The following SPATA13 variants were observed in gnomAD, a reference collection of about 807,000 sequenced individuals.
SPATA13 encodes spermatogenesis associated 13.
Under a neutral mutation model 104.0 loss-of-function variants are expected in SPATA13, and 50 were observed. The observed-to-expected ratio is 0.48, with a 90% CI of 0.38 to 0.61. The LOEUF (loss-of-function observed/expected upper bound fraction) is 0.61. Among genes scored for constraint, SPATA13 ranks in the 20% least tolerant of loss-of-function variants. The pLI is 0.00. For synonymous variants in SPATA13, 606 were observed against 667.5 expected, an observed-to-expected ratio of 0.91 and a Z score of 1.42; for missense variants, 1,524 against 1,690.6, an observed-to-expected ratio of 0.90 and a Z score of 1.73.
At chr13:24,145,942 C>T (rs1356328547) in intron 3 of SPATA13, among the ~76,000 whole-genome samples, 1 of 152,100 alleles carries the variant, frequency 6.6e-6, no homozygotes, top group Non-Finnish European at 1.5e-5. Flanking sequence ...ACGAGCACTC[C>T]CGACCAAGTC....
intron 3 of SPATA13, among the ~76,000 whole-genome samples, chr13:24,036,763 C>T (rs1359220694): frequency 4.6e-5 from 7 of 152,098 alleles, no homozygotes; most frequent in South Asian, 2.1e-4. Context: ...ATTCAAATAA[C>T]GTTATTGTCG....
intron 3 of SPATA13, among the ~76,000 whole-genome samples, chr13:24,085,268 A>G (rs1452858553): frequency 6.6e-6 from 1 of 152,168 alleles, no homozygotes; most frequent in Non-Finnish European, 1.5e-5. Context: ...GACTACAGGC[A>G]GGTGCCTGCC....
At chr13:24,037,044 G>C (rs1344811753) in intron 3 of SPATA13, among the ~76,000 whole-genome samples, 1 of 151,956 alleles carries the variant, frequency 6.6e-6, no homozygotes, top group African/African-American at 2.4e-5. Context: ...AAAGTGCTGG[G>C]ATTACAGGCA....
intron 3 of SPATA13, among the ~76,000 whole-genome samples, chr13:24,094,458 C>A (rs1264463179): frequency 2.0e-5 from 3 of 152,198 alleles, no homozygotes; most frequent in South Asian, 4.1e-4. Flanking sequence ...CAGCACACAG[C>A]AGGGCAAGGA....
At chr13:24,139,835 A>G (rs1039526763) in intron 3 of SPATA13, among the ~76,000 whole-genome samples, 1 of 152,182 alleles carries the variant, frequency 6.6e-6, no homozygotes, top group African/African-American at 2.4e-5. Context: ...TGGGAGGCCA[A>G]GGAGGGCGGA....
intron 3 of SPATA13, among the ~76,000 whole-genome samples, chr13:24,104,164 GA>G (rs757108702): frequency 3.3e-5 from 5 of 152,082 alleles, no homozygotes; most frequent in Non-Finnish European, 5.9e-5. Flanking sequence ...TGTACGTGCT[GA>G]GAAAATCCCA....
At chr13:24,122,649 A>C in intron 3 of SPATA13, 1 of 1,142,558 alleles carries the variant, frequency 8.8e-7, no homozygotes, top group Non-Finnish European at 1.3e-6. Context: ...ACTGTATATC[A>C]CTTCAAGATA....
chr13:23,981,182 A>G (rs1874875651), intron 1 of SPATA13, among the ~76,000 whole-genome samples: 1 of 152,090 alleles, frequency 6.6e-6, no homozygotes, highest in Admixed American at 6.5e-5. Flanking sequence ...GCCTCATTTT[A>G]TTTCTATGGG....
At chr13:24,039,867 C>G (rs1477344552) in intron 3 of SPATA13, among the ~76,000 whole-genome samples, 1 of 152,200 alleles carries the variant, frequency 6.6e-6, no homozygotes, top group Non-Finnish European at 1.5e-5. Flanking sequence ...TTTCAGTTAC[C>G]TCTAGCACCG....
chr13:24,231,115 C>T (rs1872248316), intron 2 of SPATA13, among the ~76,000 whole-genome samples: 1 of 152,132 alleles, frequency 6.6e-6, no homozygotes, highest in Non-Finnish European at 1.5e-5. Context: ...CAAGACTAGG[C>T]CACAGCTGAT....
intron 4 of SPATA13, among the ~76,000 whole-genome samples, chr13:24,273,944 C>T (rs1023585305): frequency 6.6e-6 from 1 of 152,182 alleles, no homozygotes; most frequent in Non-Finnish European, 1.5e-5. Context: ...CCTGCCTCAG[C>T]CTCCTAAAGT....
intron 3 of SPATA13, among the ~76,000 whole-genome samples, chr13:24,032,728 A>G (rs985640008): frequency 6.6e-6 from 1 of 152,250 alleles, no homozygotes; most frequent in Non-Finnish European, 1.5e-5. Context: ...GTTTGCCCTA[A>G]AATGTGACTG....
At chr13:23,990,552 T>A (rs981297837) in intron 2 of SPATA13, among the ~76,000 whole-genome samples, 19 of 152,330 alleles carry the variant, frequency 1.2e-4, no homozygotes, top group Non-Finnish European at 2.2e-4. Flanking sequence ...TGAGCAGCTC[T>A]ATTCCTTCTT....
chr13:23,998,778 T>C (rs1199430905), intron 2 of SPATA13, among the ~76,000 whole-genome samples: 1 of 152,230 alleles, frequency 6.6e-6, no homozygotes, highest in Non-Finnish European at 1.5e-5. Flanking sequence ...TTCAGGTTCA[T>C]TTTTCTTGCA....
intron 3 of SPATA13, among the ~76,000 whole-genome samples, chr13:24,091,471 C>T (rs544093168): frequency 1.3e-5 from 2 of 152,312 alleles, no homozygotes; most frequent in East Asian, 1.9e-4. Flanking sequence ...GCTGTTAGAA[C>T]AGAATATTCT....
chr13:24,163,394 ACT>A (rs1345678155), intron 1 of SPATA13, among the ~76,000 whole-genome samples: 1 of 151,896 alleles, frequency 6.6e-6, no homozygotes, highest in Non-Finnish European at 1.5e-5. Flanking sequence ...AGAACGAGAG[ACT>A]CTGTCTCTAA....
Position 24,286,912 on chromosome 13 carries a change from G to A in SPATA13, c.2629G>A (p.Glu877Lys). The change falls in exon 7 of 13, where the codon GAG becomes AAG. Residue 877 changes from glutamate (E) to lysine (K), a missense_variant. Transcript: ENST00000382108. This position sits in a 1 kb window ranked among gnomAD's most constrained non-coding sequence, Gnocchi z 4.9. ...CGTCATCCGGGAGATCATGGACACC[G>A]AGCGGGTGTACATCAAACACCTCAG... ...TNVIREIMDT[E>K]RVYIKHLRDI... 1.2e-6 allele frequency: 2 copies of A among 1,613,854 alleles called. No individual in the cohort carries two copies. The highest frequency in any genetic ancestry group is 1.7e-6 in the Non-Finnish European group (2 of 1,179,982).
At chr13:24,238,654 C>A (rs1340988665) in intron 2 of SPATA13, among the ~76,000 whole-genome samples, 2 of 152,156 alleles carry the variant, frequency 1.3e-5, no homozygotes, top group African/African-American at 4.8e-5. Flanking sequence ...AGGTAGGGGA[C>A]AGGCGGCTGA....
intron 3 of SPATA13, among the ~76,000 whole-genome samples, chr13:24,101,094 G>A (rs1880242787): frequency 6.6e-6 from 1 of 152,172 alleles, no homozygotes. Context: ...ACACTTGAGT[G>A]TGCAGGGGAA....
Sources: allele counts gnomAD v4.1 joint callset (sites outside exome capture counted in the v4.1 genomes callset), GRCh38; gene constraint gnomAD v4.1.1; non-coding constraint Gnocchi (gnomAD v3.1); transcripts MANE v1.5; gene names NCBI Gene and HGNC (gene_info 2026-07-23, HGNC 2026-07-21).